ZNF382: variants seen among roughly 807,000 people sequenced by gnomAD.
ZNF382 encodes KRAB/zinc finger suppressor protein 1.
Under a neutral mutation model 38.8 loss-of-function variants are expected in ZNF382, and 20 were observed. The observed-to-expected ratio is 0.51, with a 90% CI of 0.36 to 0.75. ZNF382 has a LOEUF of 0.75. Among genes scored for constraint, ZNF382 ranks in the 30% least tolerant of loss-of-function variants. The pLI, the probability that ZNF382 is intolerant of heterozygous loss-of-function variation, is 0.00. For synonymous variants in ZNF382, 202 were observed against 223.1 expected, an observed-to-expected ratio of 0.91 and a Z score of 0.84; for missense variants, 546 against 654.1, an observed-to-expected ratio of 0.83 and a Z score of 1.80.
intron 4 of ZNF382, among the ~76,000 whole-genome samples, chr19:36,616,469 C>T (rs1437459506): frequency 6.6e-6 from 1 of 152,184 alleles, no homozygotes; most frequent in Non-Finnish European, 1.5e-5. Context: ...CGGACAGACC[C>T]AAACAGAGAT....
chr19:36,622,479 C>T (rs2037177987), intron 4 of ZNF382, among the ~76,000 whole-genome samples: 1 of 152,198 alleles, frequency 6.6e-6, no homozygotes, highest in African/African-American at 2.4e-5. Context: ...TCTAGTCGCC[C>T]TATCGCCGTG....
chr19:36,613,779 C>G (rs536231613), intron 4 of ZNF382, among the ~76,000 whole-genome samples: 1 of 152,076 alleles, frequency 6.6e-6, no homozygotes, highest in Non-Finnish European at 1.5e-5. Context: ...TGGTCCACCT[C>G]ATGTTTTGTT....
intron 4 of ZNF382, among the ~76,000 whole-genome samples, chr19:36,614,986 CTT>C (rs777536991): frequency 3.6e-4 from 30 of 83,424 alleles, no homozygotes; most frequent in Non-Finnish European, 5.0e-4. Context: ...TTCCTTCTTT[CTT>C]TTTTTTTTTT....
intron 4 of ZNF382, among the ~76,000 whole-genome samples, chr19:36,613,342 C>T (rs7257899): frequency 0.16 from 23,651 of 150,862 alleles, 2,310 homozygotes; most frequent in Non-Finnish European, 0.22. Context: ...AAATATTTGT[C>T]TTTTTCTAGG....
At chr19:36,618,396 C>T (rs1205388620) in intron 4 of ZNF382, among the ~76,000 whole-genome samples, 1 of 152,170 alleles carries the variant, frequency 6.6e-6, no homozygotes, top group Non-Finnish European at 1.5e-5. Context: ...TGTAGTTAAC[C>T]AAGGCTTTGA....
Position 36,631,250 on chromosome 19 carries a change from A to G in ZNF382, c.*3700A>G, listed in dbSNP as rs1480341956. ...ACTAAACACCTAGGCTATATGGTAG[A>G]GCCTGTTGCTCCTAGGCTACAAATC... On this transcript the variant is annotated 3_prime_UTR_variant, in exon 5 of 5. Coordinates refer to ENST00000292928, the MANE Select transcript of ZNF382 (RefSeq NM_032825.5). The G allele has an allele frequency of 1.3e-5, 2 of 152,218 alleles. No individual in the cohort carries two copies. Among genetic ancestry groups the G allele is most frequent in the Non-Finnish European group, 2.9e-5 (2 of 68,052 alleles). The allele number at this position is 152,218 out of a possible 1,614,324, so 9.4% of individuals were successfully genotyped here. A position where few individuals can be genotyped will look rare whatever the true frequency, so the allele number is the denominator to read the frequency against.
rs201791961 is a variant in ZNF382, at chr19:36,614,884, CT to C, written c.232+4145del. 3.5e-4 allele frequency among the ~76,000 whole-genome samples: 26 copies of C among 73,406 alleles called. No homozygotes were observed. In the East Asian group the frequency reaches 6.6e-3, roughly 19 times the overall value. The allele number at this position is 73,406 out of a possible 152,430, so 48.2% of individuals were successfully genotyped here. ...CATTTCTTTCTTTCTTTCTTTCTTC[CT>C]TTCCTTTCCTTTCCTTTCCTTTCCT... is the stretch of plus-strand genomic sequence containing the variant. On this transcript the variant is annotated intron_variant, in intron 4 of 4. Transcript: ENST00000292928.
rs538427894 is a variant in ZNF382 at position 36,611,289 on chromosome 19, C to CA, written c.232+557dup. The stretch of plus-strand genomic sequence containing the variant: ...TAGGCGACAGAGCGAGACTCCATCT[C>CA]AAAAAAAAAATAAATAAAAATAACT... On this transcript the variant is annotated intron_variant, in intron 4 of 4. Coordinates refer to ENST00000292928, the MANE Select transcript of ZNF382 (RefSeq NM_032825.5). Among the ~76,000 whole-genome samples, 1,104 of 148,588 alleles carry CA rather than the reference C, an allele frequency of 7.4e-3. 24 individuals carry two copies. The highest frequency in any genetic ancestry group is 0.038 in the Admixed American group (570 of 14,890).
At chr19:36,613,422 CTTT>C (rs11353427) in intron 4 of ZNF382, among the ~76,000 whole-genome samples, 12 of 121,238 alleles carry the variant, frequency 9.9e-5, no homozygotes, top group Non-Finnish European at 1.4e-4. Flanking sequence ...GTATATTTTG[CTTT>C]TTTTTTTTTT....
At position 36,619,755 on chromosome 19, in the gene ZNF382, G is replaced by A. The variant is rs187351269; in HGVS notation, c.233-6375G>A. ...TTTTTTTTTTTTTCTTTTTGAGATG[G>A]AGTATTGCTCTGTTGCCCAGGCTGG... On this transcript the variant is annotated intron_variant, in intron 4 of 4. Coordinates refer to ENST00000292928, the MANE Select transcript of ZNF382 (RefSeq NM_032825.5). Among the ~76,000 whole-genome samples the A allele has an allele frequency of 5.5e-3, 833 of 151,690 alleles. 23 individuals carry two copies. Among genetic ancestry groups the A allele is most frequent in the Admixed American group, 0.037 (565 of 15,256 alleles).
chr19:36,618,711 A>G (rs779765215), intron 4 of ZNF382, among the ~76,000 whole-genome samples: 95 of 151,056 alleles, frequency 6.3e-4, no homozygotes, highest in Non-Finnish European at 8.8e-4. Flanking sequence ...CAGCTGGAGG[A>G]TTGTTTTGAT....
rs1397287160 is a variant in ZNF382 at position 36,610,011 on chromosome 19, A to G, written c.97A>G (p.Arg33Gly). 1 of 1,613,722 alleles carries G rather than the reference A, an allele frequency of 6.2e-7. No homozygotes were observed. The highest frequency in any genetic ancestry group is 1.7e-5 in the Admixed American group (1 of 59,800). The change falls in exon 3 of 5, where the codon AGG becomes GGG. Residue 33 changes from arginine to glycine, a missense_variant. Arg to Gly is a moderately radical substitution (Grantham distance 125). Coordinates refer to ENST00000292928, the MANE Select transcript of ZNF382 (RefSeq NM_032825.5). ...QLDPAQKALY[R>G]DVMLENYCHF... ...AGACCCTGCTCAGAAGGCGCTTTAC[A>G]GGGATGTGATGTTGGAAAACTATTG...
Position 36,633,341 on chromosome 19 carries a change from A to G in ZNF382, c.*5791A>G, listed in dbSNP as rs1324875810. On this transcript the variant is annotated 3_prime_UTR_variant, in exon 5 of 5. Transcript: ENST00000292928. Reference sequence around the variant, plus strand: ...GCGTGAGCCACCGCACCCGGCCTATAATCGGACTTTTCAAAACCCTAGATA... The same window carrying G: ...GCGTGAGCCACCGCACCCGGCCTATGATCGGACTTTTCAAAACCCTAGATA... 7.0e-6 allele frequency: 1 copy of G among 143,000 alleles called. No homozygotes were observed. The highest frequency in any genetic ancestry group is 1.5e-5 in the Non-Finnish European group (1 of 68,018). The allele number at this position is 143,000 out of a possible 1,614,324, so 8.9% of individuals were successfully genotyped here. A position where few individuals can be genotyped will look rare whatever the true frequency, so the allele number is the denominator to read the frequency against.
chr19:36,616,190 G>A (rs1254783648), intron 4 of ZNF382, among the ~76,000 whole-genome samples: 2 of 152,106 alleles, frequency 1.3e-5, no homozygotes, highest in African/African-American at 2.4e-5. Context: ...GGCCAGCCTG[G>A]GCAACATAGC....
At chr19:36,619,324 G>T (rs1202576220) in intron 4 of ZNF382, among the ~76,000 whole-genome samples, 2 of 152,216 alleles carry the variant, frequency 1.3e-5, no homozygotes, top group Non-Finnish European at 2.9e-5. Flanking sequence ...CTTTTGGGCT[G>T]AGTGAAGGGG....
intron 4 of ZNF382, among the ~76,000 whole-genome samples, chr19:36,612,981 C>T (rs906931175): frequency 2.6e-5 from 4 of 151,806 alleles, no homozygotes; most frequent in South Asian, 4.1e-4. Context: ...TTAGTAGAGA[C>T]GGGGTTTCAT....
chr19:36,616,483 A>G (rs1488432309), intron 4 of ZNF382, among the ~76,000 whole-genome samples: 2 of 152,244 alleles, frequency 1.3e-5, no homozygotes, highest in East Asian at 1.9e-4. Context: ...CAGAGATCTT[A>G]TAACTTTCAT....
chr19:36,608,215 G>A (rs2037049867), intron 2 of ZNF382: 1 of 152,326 alleles, frequency 6.6e-6, no homozygotes, highest in South Asian at 2.1e-4. Flanking sequence ...GCTTTGTGAG[G>A]TGTTTAGGAT....
intron 4 of ZNF382, among the ~76,000 whole-genome samples, chr19:36,625,717 G>A (rs2037207268): frequency 6.6e-6 from 1 of 151,924 alleles, no homozygotes; most frequent in Non-Finnish European, 1.5e-5. Context: ...GTACCACCAT[G>A]CCCAGCTAAT....
Sources: allele counts gnomAD v4.1 joint callset (sites outside exome capture counted in the v4.1 genomes callset), GRCh38; gene constraint gnomAD v4.1.1; transcripts MANE v1.5; gene names NCBI Gene and HGNC (gene_info 2026-07-23, HGNC 2026-07-21).